BICD1: variants seen among roughly 807,000 people sequenced by gnomAD.
BICD1 encodes the protein BICD cargo adaptor 1.
Under a neutral mutation model 92.5 loss-of-function variants are expected in BICD1, and 35 were observed. The ratio of observed to expected loss-of-function variants is 0.38; its 90% CI spans 0.29 to 0.50. The LOEUF is 0.50. Among genes scored for constraint, BICD1 ranks in the 20% least tolerant of loss-of-function variants. BICD1 has a pLI of 0.93. For synonymous variants in BICD1, 429 were observed against 465.1 expected (o/e 0.92, Z 1.00); for missense variants, 950 against 1,189.8 (o/e 0.80, Z 2.97).
At chr12:32,253,459 G>C (rs890651381) in intron 2 of BICD1, among the ~76,000 whole-genome samples, 1 of 150,988 alleles carries the variant, frequency 6.6e-6, no homozygotes, top group Non-Finnish European at 1.5e-5. Context: ...AATTTAATTT[G>C]ATGATAAGAG....
intron 1 of BICD1, among the ~76,000 whole-genome samples, chr12:32,123,283 A>G (rs1301192511): frequency 6.6e-6 from 1 of 152,202 alleles, no homozygotes; most frequent in Non-Finnish European, 1.5e-5. Flanking sequence ...AGGGGGCCAC[A>G]TGATGTAGCA....
At chr12:32,342,819 C>T (rs771459118) in intron 8 of BICD1, among the ~76,000 whole-genome samples, 3 of 152,114 alleles carry the variant, frequency 2.0e-5, no homozygotes, top group Non-Finnish European at 4.4e-5. Context: ...AACAGAAAGC[C>T]TCATCTCCTT....
intron 1 of BICD1, among the ~76,000 whole-genome samples, chr12:32,126,703 G>T (rs1345390093): frequency 1.3e-5 from 2 of 151,948 alleles, no homozygotes; most frequent in Admixed American, 6.6e-5. Context: ...GTTGCAGTGA[G>T]CCGAGATCAG....
chr12:32,253,254 C>G (rs910099800), intron 2 of BICD1, among the ~76,000 whole-genome samples: 1 of 152,206 alleles, frequency 6.6e-6, no homozygotes, highest in East Asian at 1.9e-4. Flanking sequence ...TATATTGGCC[C>G]TTTTTTCTGT....
At chr12:32,371,386 A>G (rs1323492831) in intron 9 of BICD1, among the ~76,000 whole-genome samples, 1 of 152,194 alleles carries the variant, frequency 6.6e-6, no homozygotes, top group African/African-American at 2.4e-5. Context: ...CAATGTTAAT[A>G]CCTTCATTGC....
chr12:32,335,154 A>AT (rs11326277), intron 6 of BICD1, among the ~76,000 whole-genome samples: 8,721 of 147,476 alleles, frequency 0.059, 272 homozygotes, highest in South Asian at 0.15. Flanking sequence ...ATTACTTATA[A>AT]TTTTTTTTTT....
At chr12:32,206,956 A>G (rs186077079) in intron 1 of BICD1, among the ~76,000 whole-genome samples, 242 of 152,374 alleles carry the variant, frequency 1.6e-3, no homozygotes, top group Middle Eastern at 3.4e-3. Context: ...GAATTTTACA[A>G]ACAGTATTTT....
At position 32,327,406 on chromosome 12, in the gene BICD1, G is replaced by A. The variant is rs1475778925; in HGVS notation, c.1006-55G>A. ...ACATGCCCGACTGTGAATGGATTAA[G>A]TTCATCATTGGTGCTGCCTTGAGGT... On this transcript the variant is annotated intron_variant, in intron 4 of 9. Coordinates refer to ENST00000652176, the MANE Select transcript of BICD1 (RefSeq NM_001714.4). 3.9e-6 allele frequency: 6 copies of A among 1,535,684 alleles called. No individual in the cohort carries two copies. The East Asian group carries it at 9.1e-5, about 23-fold the overall frequency.
chr12:32,315,265 CT>C (rs1253010159), intron 4 of BICD1, among the ~76,000 whole-genome samples: 8 of 152,194 alleles, frequency 5.3e-5, no homozygotes, highest in Non-Finnish European at 1.0e-4. Context: ...CCAAAATCAA[CT>C]GGTCATAGAT....
intron 8 of BICD1, among the ~76,000 whole-genome samples, chr12:32,344,159 G>C (rs1334899950): frequency 6.6e-6 from 1 of 152,178 alleles, no homozygotes; most frequent in Non-Finnish European, 1.5e-5. Flanking sequence ...AAGGAATTAG[G>C]ATGGTTAGGA....
chr12:32,202,601 T>C (rs1592467082), intron 1 of BICD1, among the ~76,000 whole-genome samples: 1 of 152,272 alleles, frequency 6.6e-6, no homozygotes, highest in Non-Finnish European at 1.5e-5. Context: ...TTTCAAAGTT[T>C]ATTGTTTATT....
At chr12:32,286,433 TTAAGA>T (rs554223762) in intron 2 of BICD1, among the ~76,000 whole-genome samples, 67 of 152,086 alleles carry the variant, frequency 4.4e-4, no homozygotes, top group African/African-American at 1.5e-3. Flanking sequence ...AAGAAAAAAA[TTAAGA>T]TAATATGTTT....
At chr12:32,306,224 C>CT in intron 4 of BICD1, 102 bp downstream of exon 4, 1 of 1,183,074 alleles carries the variant, frequency 8.5e-7, no homozygotes, top group Non-Finnish European at 1.2e-6. Context: ...GATTTCTTTT[C>CT]TTTTTTCTTT....
intron 2 of BICD1, among the ~76,000 whole-genome samples, chr12:32,274,022 G>GGGCAGGCTTTATCCGGGACC (rs1947212806): frequency 6.6e-6 from 1 of 152,200 alleles, no homozygotes; most frequent in African/African-American, 2.4e-5. Flanking sequence ...AGCTGAGAAA[G>GGGCAGGCTTTATCCGGGACC]GGCAGGCTTT....
intron 2 of BICD1, among the ~76,000 whole-genome samples, chr12:32,224,102 T>C (rs1439152429): frequency 1.3e-5 from 2 of 152,252 alleles, no homozygotes; most frequent in Non-Finnish European, 2.9e-5. Context: ...TGTTTCCTTC[T>C]GAGTAATTGG....
At chr12:32,311,537 G>C (rs1444396693) in intron 4 of BICD1, among the ~76,000 whole-genome samples, 1 of 152,160 alleles carries the variant, frequency 6.6e-6, no homozygotes, top group Non-Finnish European at 1.5e-5. Context: ...GTTTGGTTCA[G>C]AAAGGTGGGA....
chr12:32,295,461 A>G (rs1947841629), intron 3 of BICD1, among the ~76,000 whole-genome samples: 1 of 152,132 alleles, frequency 6.6e-6, no homozygotes, highest in East Asian at 1.9e-4. Context: ...ACAAGAATCC[A>G]TAGGGCATGA....
At chr12:32,148,976 C>T (rs1231548575) in intron 1 of BICD1, among the ~76,000 whole-genome samples, 6 of 150,428 alleles carry the variant, frequency 4.0e-5, no homozygotes, top group Admixed American at 1.3e-4. Context: ...GCCGAGATCA[C>T]GTCACTGTAC....
At chr12:32,230,364 C>T (rs1451147467) in intron 2 of BICD1, among the ~76,000 whole-genome samples, 3 of 151,722 alleles carry the variant, frequency 2.0e-5, no homozygotes, top group Non-Finnish European at 4.4e-5. Flanking sequence ...CACACCACTG[C>T]ACTCCAGTCT....
Sources: gnomAD v4.1 joint callset for allele counts (sites outside exome capture counted in the v4.1 genomes callset) on GRCh38, gnomAD v4.1.1 for gene constraint, MANE v1.5 for transcripts, NCBI Gene and HGNC (gene_info 2026-07-23, HGNC 2026-07-21) for gene names.